GRID2: variants seen among roughly 807,000 people sequenced by gnomAD.
GRID2 encodes the protein glutamate ionotropic receptor delta type subunit 2.
In GRID2, 33 loss-of-function variants were observed where a neutral mutation model predicts 114.8. That is an observed-to-expected ratio of 0.29 (90% CI 0.22 to 0.38). The LOEUF is 0.38. Among genes scored for constraint, GRID2 ranks in the 10% least tolerant of loss-of-function variants. The probability of loss-of-function intolerance (pLI) is 1.00; values close to 1 mark genes in which losing one functional copy is unlikely to be tolerated. For synonymous variants in GRID2, 505 were observed against 449.9 expected, an observed-to-expected ratio of 1.12 and a Z score of -1.55; for missense variants, 1,184 against 1,257.7, an observed-to-expected ratio of 0.94 and a Z score of 0.89.
intron 1 of GRID2, among the ~76,000 whole-genome samples, chr4:92,441,361 G>A (rs994295963): frequency 1.5e-4 from 23 of 152,204 alleles, no homozygotes; most frequent in Admixed American, 1.3e-3. Flanking sequence ...GGTAATTTGT[G>A]GAGCTTGATG....
intron 2 of GRID2, among the ~76,000 whole-genome samples, chr4:92,912,027 G>T (rs900451962): frequency 1.3e-5 from 2 of 151,612 alleles, no homozygotes; most frequent in African/African-American, 4.8e-5. Context: ...GGAATGATAA[G>T]AATTTTTTCA....
At chr4:92,385,843 A>G (rs1300986787) in intron 1 of GRID2, among the ~76,000 whole-genome samples, 1 of 150,140 alleles carries the variant, frequency 6.7e-6, no homozygotes, top group Non-Finnish European at 1.5e-5. Context: ...AAAAATATTT[A>G]ACTTTTGTTG....
At chr4:93,343,171 TG>T (rs371795350) in intron 8 of GRID2, among the ~76,000 whole-genome samples, 1,003 of 22,114 alleles carry the variant, frequency 0.045, 9 homozygotes, top group South Asian at 0.12. Context: ...TGTGTGTGTG[TG>T]TGTGTGTGTA....
chr4:93,583,329 T>A (rs1737175664), intron 13 of GRID2, among the ~76,000 whole-genome samples: 1 of 152,196 alleles, frequency 6.6e-6, no homozygotes, highest in Non-Finnish European at 1.5e-5. Flanking sequence ...CTTTCTAGTT[T>A]GTGTTACACT....
chr4:92,427,501 A>G (rs1248607114), intron 1 of GRID2, among the ~76,000 whole-genome samples: 1 of 152,196 alleles, frequency 6.6e-6, no homozygotes, highest in Non-Finnish European at 1.5e-5. Context: ...TGTTATATAG[A>G]AAAATATACT....
intron 2 of GRID2, among the ~76,000 whole-genome samples, chr4:92,793,584 T>G (rs1395919999): frequency 6.6e-6 from 1 of 151,770 alleles, no homozygotes; most frequent in Admixed American, 6.6e-5. Context: ...GAAGTAGGAA[T>G]GAATGTCTGT....
At chr4:93,427,189 T>C (rs1768935174) in intron 10 of GRID2, among the ~76,000 whole-genome samples, 1 of 151,964 alleles carries the variant, frequency 6.6e-6, no homozygotes, top group Non-Finnish European at 1.5e-5. Context: ...TAATGATACT[T>C]TAATAAAATA....
rs373743453 is a variant in GRID2, at chr4:92,460,032, CTATATATATATA to C, written c.89-130088_89-130077del. On this transcript the variant is annotated intron_variant, in intron 1 of 15. Coordinates refer to ENST00000282020, the MANE Select transcript of GRID2 (RefSeq NM_001510.4). ...AGCCCATTCCTTAAAATAAATCTCACTATATATATATATATATATATACACACACAACTTTTT... is the reference window on the plus strand; with the variant it reads ...AGCCCATTCCTTAAAATAAATCTCACTATATATATACACACACAACTTTTT... 1.2e-3 allele frequency among the ~76,000 whole-genome samples: 56 copies of C among 48,436 alleles called. 9 individuals carry two copies. In the East Asian group the frequency reaches 0.045, roughly 39 times the overall value. The allele number at this position is 48,436 out of a possible 152,430, so 31.8% of individuals were successfully genotyped here.
rs185534922 is a variant in GRID2, at chr4:93,248,521, C to G, written c.1245+10031C>G. Among the ~76,000 whole-genome samples, 179 of 152,152 alleles carry G rather than the reference C, an allele frequency of 1.2e-3. 3 individuals are homozygous for G. The highest frequency in any genetic ancestry group is 4.3e-3 in the African/African-American group (177 of 41,524). ...AAATTCCAGGGGCTTTTCATTACACCTCAAATTTTCTGCTTTCTCTGCTCT... is the reference window on the plus strand; with the variant it reads ...AAATTCCAGGGGCTTTTCATTACACGTCAAATTTTCTGCTTTCTCTGCTCT... On this transcript the variant is annotated intron_variant, in intron 8 of 15. Coordinates refer to ENST00000282020, the MANE Select transcript of GRID2 (RefSeq NM_001510.4).
chr4:93,081,324 A>G (rs1288189796), intron 2 of GRID2, among the ~76,000 whole-genome samples: 1 of 152,198 alleles, frequency 6.6e-6, no homozygotes, highest in Non-Finnish European at 1.5e-5. Context: ...TTAACTCTTT[A>G]TGCATTTTAT....
chr4:92,492,599 T>G (rs1480766817), intron 1 of GRID2, among the ~76,000 whole-genome samples: 1 of 152,088 alleles, frequency 6.6e-6, no homozygotes, highest in Non-Finnish European at 1.5e-5. Flanking sequence ...GTAGTTTCAG[T>G]CTATTTCCAT....
At chr4:93,681,818 A>G (rs1419397600) in intron 14 of GRID2, among the ~76,000 whole-genome samples, 1 of 152,204 alleles carries the variant, frequency 6.6e-6, no homozygotes, top group Non-Finnish European at 1.5e-5. Flanking sequence ...ACCTAAAACC[A>G]TAAAAACCCT....
At chr4:92,655,090 G>C (rs1369594250) in intron 2 of GRID2, among the ~76,000 whole-genome samples, 1 of 151,956 alleles carries the variant, frequency 6.6e-6, no homozygotes. Flanking sequence ...TAGGGGTCCA[G>C]TCTCATTCTT....
At chr4:93,414,697 AT>A (rs1767536106) in intron 9 of GRID2, among the ~76,000 whole-genome samples, 1 of 149,780 alleles carries the variant, frequency 6.7e-6, no homozygotes, top group South Asian at 2.1e-4. Context: ...ATATATATAT[AT>A]ATATATATTT....
intron 2 of GRID2, among the ~76,000 whole-genome samples, chr4:92,964,461 G>T (rs538283311): frequency 6.6e-6 from 1 of 152,072 alleles, no homozygotes; most frequent in Non-Finnish European, 1.5e-5. Flanking sequence ...ATGACAGGTT[G>T]ATGGGTGCCA....
At chr4:92,813,659 C>T (rs998425761) in intron 2 of GRID2, among the ~76,000 whole-genome samples, 3 of 151,180 alleles carry the variant, frequency 2.0e-5, no homozygotes, top group South Asian at 4.2e-4. Context: ...CACACGCACG[C>T]ACACACACAC....
chr4:93,213,576 A>G (rs946301213), intron 5 of GRID2, among the ~76,000 whole-genome samples: 15 of 152,214 alleles, frequency 9.9e-5, no homozygotes, highest in Non-Finnish European at 1.9e-4. Flanking sequence ...AAGAGGTATA[A>G]GAATGGGAAA....
At chr4:93,132,959 ACTTTTC>A (rs775171317) in intron 4 of GRID2, among the ~76,000 whole-genome samples, 1 of 152,188 alleles carries the variant, frequency 6.6e-6, no homozygotes, top group African/African-American at 2.4e-5. Context: ...ATGCTAATTA[ACTTTTC>A]CTTTTCATAT....
chr4:93,534,043 T>A (rs149279109), intron 13 of GRID2, among the ~76,000 whole-genome samples: 64 of 152,204 alleles, frequency 4.2e-4, no homozygotes, highest in African/African-American at 1.4e-3. Context: ...CCCTTTTCAC[T>A]GGCTGTTTTC....
Sources: allele counts gnomAD v4.1 joint callset (sites outside exome capture counted in the v4.1 genomes callset), GRCh38; gene constraint gnomAD v4.1.1; transcripts MANE v1.5; gene names NCBI Gene and HGNC (gene_info 2026-07-23, HGNC 2026-07-21).